Variants in NECTIN1 observed in about 807,000 individuals in gnomAD.
NECTIN1 encodes nectin-1.
NECTIN1 carries 23 observed loss-of-function variants against 48.0 expected under a neutral mutation model. That is an observed-to-expected ratio of 0.48 (90% confidence interval 0.34 to 0.68). The LOEUF is 0.68. Among genes scored for constraint, NECTIN1 ranks in the 30% least tolerant of loss-of-function variants. The probability of loss-of-function intolerance (pLI) is 0.01; values close to 1 mark genes in which losing one functional copy is unlikely to be tolerated. For synonymous variants in NECTIN1, 270 were observed against 288.9 expected (o/e 0.93, Z 0.66); for missense variants, 591 against 709.9 (o/e 0.83, Z 1.90).
intron 1 of NECTIN1, among the ~76,000 whole-genome samples, chr11:119,721,774 C>T (rs569268794): frequency 6.6e-6 from 1 of 152,376 alleles, no homozygotes; most frequent in Admixed American, 6.5e-5. Flanking sequence ...CTGCCCATGT[C>T]TCAGCCCAGA....
chr11:119,724,254 C>T (rs969933473), intron 1 of NECTIN1, among the ~76,000 whole-genome samples: 1 of 152,182 alleles, frequency 6.6e-6, no homozygotes, highest in Non-Finnish European at 1.5e-5. Flanking sequence ...TTTGCCCCTC[C>T]CAGCCGTTCA....
intron 6 of NECTIN1, chr11:119,638,924 T>TG: frequency 1.1e-6 from 1 of 891,090 alleles, no homozygotes; most frequent in South Asian, 1.4e-5. Flanking sequence ...CCGGGAGCTC[T>TG]GCTTCCCAGG....
At position 119,728,787 on chromosome 11, in the gene NECTIN1, G is replaced by A. The variant is rs1865965195; in HGVS notation, c.-234C>T. ...GGCAGATGCCCGCCGCAAGTTGCAC[G>A]AGTCATGCCCCTTCGCCTCCTCCGC... is the stretch of plus-strand genomic sequence containing the variant. On this transcript the variant is annotated 5_prime_UTR_variant, in exon 1 of 6. Transcript: ENST00000264025. 3 of 432,360 alleles carry A rather than the reference G, an allele frequency of 6.9e-6. No homozygotes were observed. Among genetic ancestry groups the A allele is most frequent in the Middle Eastern group, 6.0e-4 (1 of 1,672 alleles). 26.8% of individuals were successfully genotyped at this position (432,360 alleles called of 1,614,324 possible).
intron 1 of NECTIN1, among the ~76,000 whole-genome samples, chr11:119,685,604 T>C (rs1448632756): frequency 3.3e-5 from 5 of 152,220 alleles, no homozygotes; most frequent in Admixed American, 6.5e-5. Flanking sequence ...GATTCTGTCC[T>C]GCAGGCCTGT....
Position 119,709,755 on chromosome 11 carries a change from G to C in NECTIN1, c.79+18720C>G, listed in dbSNP as rs1865604757. ...TTTTAACTCCGGGTTTGTGGAGAGA[G>C]GGCAGGACGAGGCGGAGCGGGTTTG... On this transcript the variant is annotated intron_variant, in intron 1 of 5. Transcript: ENST00000264025. This position sits in a 1 kb window ranked among gnomAD's most constrained non-coding sequence, Gnocchi z 4.1. 1.3e-5 allele frequency among the ~76,000 whole-genome samples: 2 copies of C among 152,126 alleles called. No individual in the cohort carries two copies. Among genetic ancestry groups the C allele is most frequent in the Non-Finnish European group, 2.9e-5 (2 of 68,024 alleles).
chr11:119,662,383 C>T lies in NECTIN1; in HGVS notation c.*2364G>A. Reference sequence around the variant, plus strand: ...GGCTGGCAGCTGCTCGGTGGGTATGCTGAGGCTGGGCCCCTGGCAAGTCAG... The same window carrying T: ...GGCTGGCAGCTGCTCGGTGGGTATGTTGAGGCTGGGCCCCTGGCAAGTCAG... On this transcript the variant is annotated 3_prime_UTR_variant, in exon 6 of 6. Transcript: ENST00000264025. This position sits in a 1 kb window ranked among gnomAD's most constrained non-coding sequence, Gnocchi z 5.3. 1 of 985,808 alleles carries T rather than the reference C, an allele frequency of 1.0e-6. No homozygotes were observed. The highest frequency in any genetic ancestry group is 1.2e-6 in the Non-Finnish European group (1 of 829,926). 61.1% of individuals were successfully genotyped at this position (985,808 alleles called of 1,614,324 possible). A position where few individuals can be genotyped will look rare whatever the true frequency, so the allele number is the denominator to read the frequency against.
At position 119,665,132 on chromosome 11, in the gene NECTIN1, C is replaced by T; in HGVS notation, c.1169G>A (p.Ser390Asn). 6.2e-7 allele frequency: 1 copy of T among 1,614,008 alleles called. No homozygotes were observed. Among genetic ancestry groups the T allele is most frequent in the East Asian group, 2.2e-5 (1 of 44,878 alleles). The change falls in exon 6 of 6, where the codon AGC becomes AAC. Residue 390 changes from serine (S) to asparagine (N), a missense_variant. Physicochemically the swap from Ser to Asn is conservative, Grantham distance 46. Transcript: ENST00000264025. This position sits in a 1 kb window ranked among gnomAD's most constrained non-coding sequence, Gnocchi z 5.1. The stretch of plus-strand genomic sequence containing the variant: ...GTTGCCATACACGTGCTTCTTGGTG[C>T]TGTAGTCACCCTTGAAGGTGTGCCG... Reference protein sequence around the residue: ...RRRHTFKGDYSTKKHVYGNGY... With the variant: ...RRRHTFKGDYNTKKHVYGNGY...
At position 119,722,008 on chromosome 11, in the gene NECTIN1, C is replaced by T. The variant is rs79444455; in HGVS notation, c.79+6467G>A. ...GGTGGTGGCTGGTAAAGTGGAGGAC[C>T]GTCCCATGGACACTTTCTAACATCC... On this transcript the variant is annotated intron_variant, in intron 1 of 5. Coordinates refer to ENST00000264025, the MANE Select transcript of NECTIN1 (RefSeq NM_002855.5). 2.1e-3 allele frequency among the ~76,000 whole-genome samples: 323 copies of T among 152,294 alleles called. 5 individuals carry two copies. In the East Asian group the frequency reaches 0.057, roughly 27 times the overall value.
chr11:119,692,561 G>A (rs1463118520), intron 1 of NECTIN1, among the ~76,000 whole-genome samples: 1 of 152,236 alleles, frequency 6.6e-6, no homozygotes. Context: ...CTCCCTGGGG[G>A]AGAAAGTACA....
intron 5 of NECTIN1, among the ~76,000 whole-genome samples, chr11:119,645,703 G>A (rs1208330702): frequency 6.6e-6 from 1 of 152,150 alleles, no homozygotes; most frequent in Non-Finnish European, 1.5e-5. Flanking sequence ...CATCGTCCCA[G>A]AACTGCAAGC....
chr11:119,699,632 T>TGTG (rs1306911833), intron 1 of NECTIN1, among the ~76,000 whole-genome samples: 2 of 152,108 alleles, frequency 1.3e-5, no homozygotes, highest in African/African-American at 2.4e-5. Context: ...CACACAAACA[T>TGTG]GCAAGGGAGA....
rs137909701 is a variant in NECTIN1 at position 119,664,967 on chromosome 11, CCCT to C, written c.1331_1333del (p.Glu444del). On this transcript the variant is annotated inframe_deletion, in exon 6 of 6. Transcript: ENST00000264025. ...CACCTTGCGCTCGCCCCCTCCACCG[CCCT>C]CCTCCTCCTCCTCCTCCTCCTCATA... 502 of 1,595,172 alleles carry C rather than the reference CCCT, an allele frequency of 3.1e-4. 2 individuals are homozygous for C. Among genetic ancestry groups the C allele is most frequent in the South Asian group, 4.3e-4 (39 of 89,820 alleles).
intron 1 of NECTIN1, among the ~76,000 whole-genome samples, chr11:119,715,367 T>G (rs1367101729): frequency 1.3e-5 from 2 of 152,096 alleles, no homozygotes; most frequent in Admixed American, 1.3e-4. Flanking sequence ...ATTTTTATTT[T>G]TTTTTAAGAT....
intron 5 of NECTIN1, chr11:119,640,160 A>C: frequency 1.2e-6 from 1 of 865,912 alleles, no homozygotes; most frequent in Middle Eastern, 2.9e-4. Context: ...CTCCAGTTCT[A>C]GGAGGGGCTC....
chr11:119,699,097 G>C (rs924903696), intron 1 of NECTIN1, among the ~76,000 whole-genome samples: 1 of 152,132 alleles, frequency 6.6e-6, no homozygotes, highest in Non-Finnish European at 1.5e-5. Context: ...TTCAGGTAGG[G>C]GCCCAGGAGA....
chr11:119,639,618 G>A (rs1171932186), intron 6 of NECTIN1: 3 of 571,036 alleles, frequency 5.3e-6, no homozygotes, highest in Non-Finnish European at 9.4e-6. Flanking sequence ...GCTCCTCTGA[G>A]CTGCTGTGAG....
chr11:119,639,968 G>GGA lies in NECTIN1; in HGVS notation c.1046_1047dup (p.Leu350SerfsTer12). 5 of 1,614,102 alleles carry GGA rather than the reference G, an allele frequency of 3.1e-6. No homozygotes were observed. Among genetic ancestry groups the GGA allele is most frequent in the Non-Finnish European group, 4.2e-6 (5 of 1,179,978 alleles). On this transcript the variant is annotated frameshift_variant, in exon 6 of 8. Coordinates refer to the NECTIN1 transcript ENST00000341398. LOFTEE classifies it high-confidence loss of function. ...AGGAACACGGCCACGGTGCCCGCCAGGAGCCTGGCTGCACTTCCCAGACCC... is the reference window on the plus strand; with the variant it reads ...AGGAACACGGCCACGGTGCCCGCCAGGAGAGCCTGGCTGCACTTCCCAGACCC...
chr11:119,728,035 C>G (rs1220246467), intron 1 of NECTIN1, among the ~76,000 whole-genome samples: 1 of 152,166 alleles, frequency 6.6e-6, no homozygotes, highest in Non-Finnish European at 1.5e-5. Flanking sequence ...GACGAAGCCC[C>G]CCCGCCATAC....
chr11:119,693,133 C>A (rs1865288802), intron 1 of NECTIN1, among the ~76,000 whole-genome samples: 1 of 152,196 alleles, frequency 6.6e-6, no homozygotes, highest in Non-Finnish European at 1.5e-5. Flanking sequence ...ATGAAAAGCC[C>A]CCATTCTTCC....
Sources: gnomAD v4.1 joint callset for allele counts (sites outside exome capture counted in the v4.1 genomes callset) on GRCh38, gnomAD v4.1.1 for gene constraint, Gnocchi (gnomAD v3.1) non-coding constraint, MANE v1.5 for transcripts, NCBI Gene and HGNC (gene_info 2026-07-23, HGNC 2026-07-21) for gene names.